ALK: variants seen among roughly 807,000 people sequenced by gnomAD.
The protein encoded by ALK is ALK tyrosine kinase receptor.
Under a neutral mutation model 163.1 loss-of-function variants are expected in ALK, and 74 were observed. The ratio of observed to expected loss-of-function variants is 0.45; its 90% CI spans 0.38 to 0.55. The LOEUF is 0.55. ALK is among the 20% of genes least tolerant of loss of function. The pLI is 0.00. For missense variants in ALK, 2,063 were observed against 2,105.3 expected, an observed-to-expected ratio of 0.98 and a Z score of 0.39; for synonymous variants, 960 against 843.2, an observed-to-expected ratio of 1.14 and a Z score of -2.40.
At chr2:29,607,598 T>C (rs746871478) in intron 3 of ALK, among the ~76,000 whole-genome samples, 52 of 152,320 alleles carry the variant, frequency 3.4e-4, no homozygotes, top group Non-Finnish European at 5.7e-4. Flanking sequence ...CAGCTTCTGC[T>C]GCAGTCAAAA....
chr2:29,672,737 CT>C (rs1484987561), intron 3 of ALK, among the ~76,000 whole-genome samples: 4 of 152,064 alleles, frequency 2.6e-5, no homozygotes, highest in Non-Finnish European at 5.9e-5. Flanking sequence ...TTCTAGATCC[CT>C]GAGGAATCGC....
chr2:29,753,300 GA>G (rs1247531936), intron 1 of ALK, among the ~76,000 whole-genome samples: 17 of 152,338 alleles, frequency 1.1e-4, no homozygotes, highest in Admixed American at 5.9e-4. Context: ...CAAGGAACCA[GA>G]GTGCTTGAAG....
intron 1 of ALK, among the ~76,000 whole-genome samples, chr2:29,780,496 C>T (rs146431670): frequency 6.6e-6 from 1 of 152,292 alleles, no homozygotes; most frequent in East Asian, 1.9e-4. Context: ...GAAAGGAATG[C>T]AAAGTGCTTA....
At chr2:29,784,041 G>C (rs1663924717) in intron 1 of ALK, among the ~76,000 whole-genome samples, 1 of 152,158 alleles carries the variant, frequency 6.6e-6, no homozygotes, top group South Asian at 2.1e-4. Context: ...GGAATGCCAT[G>C]ATATTAGATA....
At chr2:29,817,437 T>C (rs1207914689) in intron 1 of ALK, among the ~76,000 whole-genome samples, 1 of 152,224 alleles carries the variant, frequency 6.6e-6, no homozygotes, top group Non-Finnish European at 1.5e-5. Flanking sequence ...TATCTGTGCC[T>C]GTGAGCAACA....
chr2:29,458,489 TC>T, intron 4 of ALK, among the ~76,000 whole-genome samples: 1 of 152,292 alleles, frequency 6.6e-6, no homozygotes, highest in East Asian at 1.9e-4. Context: ...GGGCTGTCTT[TC>T]ATTTGAGGGA....
intron 3 of ALK, among the ~76,000 whole-genome samples, chr2:29,570,357 T>C (rs1674323681): frequency 6.6e-6 from 1 of 152,226 alleles, no homozygotes; most frequent in South Asian, 2.1e-4. Context: ...TCTGTGCCTA[T>C]GAAGTTGGCT....
At chr2:29,332,970 T>G (rs1161586552) in intron 5 of ALK, among the ~76,000 whole-genome samples, 1 of 152,216 alleles carries the variant, frequency 6.6e-6, no homozygotes, top group African/African-American at 2.4e-5. Context: ...TTTACACTCT[T>G]CACCAGCTGT....
At chr2:29,800,916 G>A (rs1387087471) in intron 1 of ALK, among the ~76,000 whole-genome samples, 2 of 152,196 alleles carry the variant, frequency 1.3e-5, no homozygotes, top group Non-Finnish European at 2.9e-5. Context: ...CGCTAAGCGT[G>A]CCCATGCTCC....
chr2:29,518,425 C>T (rs1252353269), intron 4 of ALK, among the ~76,000 whole-genome samples: 1 of 152,156 alleles, frequency 6.6e-6, no homozygotes, highest in African/African-American at 2.4e-5. Context: ...GCCTTCTTTG[C>T]CTGCAAGAAA....
At chr2:29,341,343 T>C (rs1449480427) in intron 5 of ALK, among the ~76,000 whole-genome samples, 1 of 152,190 alleles carries the variant, frequency 6.6e-6, no homozygotes, top group African/African-American at 2.4e-5. Flanking sequence ...CAATGGGTCA[T>C]GGACTGGGAA....
intron 1 of ALK, among the ~76,000 whole-genome samples, chr2:29,838,283 G>T (rs1398951523): frequency 1.3e-5 from 2 of 152,100 alleles, no homozygotes; most frequent in Non-Finnish European, 2.9e-5. Context: ...GAGACAAAAA[G>T]TTGGGTCAGA....
At chr2:29,460,344 G>A (rs1671055838) in intron 4 of ALK, among the ~76,000 whole-genome samples, 1 of 152,146 alleles carries the variant, frequency 6.6e-6, no homozygotes, top group African/African-American at 2.4e-5. Context: ...ATTGTTCTAA[G>A]CACATTTGTT....
At chr2:29,866,269 C>T (rs1666432652) in intron 1 of ALK, among the ~76,000 whole-genome samples, 1 of 152,194 alleles carries the variant, frequency 6.6e-6, no homozygotes, top group South Asian at 2.1e-4. Context: ...CCTTTCTCAT[C>T]TCTAGCACAT....
intron 1 of ALK, among the ~76,000 whole-genome samples, chr2:29,767,059 G>T (rs1462011251): frequency 6.6e-6 from 1 of 152,142 alleles, no homozygotes; most frequent in African/African-American, 2.4e-5. Flanking sequence ...TCTAGTTTTG[G>T]CAATGTACTA....
chr2:29,375,276 C>A (rs1558699964), intron 5 of ALK, among the ~76,000 whole-genome samples: 1 of 152,138 alleles, frequency 6.6e-6, no homozygotes, highest in East Asian at 1.9e-4. Context: ...AATTTTGAGA[C>A]AACTACTGAC....
chr2:29,481,644 C>CA (rs1221609722), intron 4 of ALK, among the ~76,000 whole-genome samples: 5 of 152,306 alleles, frequency 3.3e-5, no homozygotes, highest in African/African-American at 9.6e-5. Flanking sequence ...AACACATCAT[C>CA]ACTAAAGTCT....
chr2:29,333,172 G>A (rs916690879), intron 5 of ALK, among the ~76,000 whole-genome samples: 3 of 152,058 alleles, frequency 2.0e-5, no homozygotes, highest in Non-Finnish European at 4.4e-5. Context: ...CTGGAGTGCC[G>A]TGGTGCAATC....
chr2:29,640,057 A>C (rs530561253), intron 3 of ALK, among the ~76,000 whole-genome samples: 80 of 152,288 alleles, frequency 5.3e-4, no homozygotes, highest in African/African-American at 1.5e-3. Context: ...ACAGAAGAAG[A>C]AGCTCAGCAC....
Sources: allele counts gnomAD v4.1 joint callset (sites outside exome capture counted in the v4.1 genomes callset), GRCh38; gene constraint gnomAD v4.1.1; transcripts MANE v1.5; gene names NCBI Gene and HGNC (gene_info 2026-07-23, HGNC 2026-07-21).